The following PPP1R9A variants were observed in gnomAD, a reference collection of about 807,000 sequenced individuals.
PPP1R9A encodes the protein protein phosphatase 1 regulatory subunit 9A.
Under a neutral mutation model 141.9 loss-of-function variants are expected in PPP1R9A, and 59 were observed. That is an observed-to-expected ratio of 0.42 (90% CI 0.34 to 0.52). The LOEUF (loss-of-function observed/expected upper bound fraction) is 0.52. Among genes scored for constraint, PPP1R9A ranks in the 20% least tolerant of loss-of-function variants. The probability of loss-of-function intolerance (pLI) is 0.10; values close to 1 mark genes in which losing one functional copy is unlikely to be tolerated. For missense variants in PPP1R9A, 1,444 were observed against 1,611.9 expected (o/e 0.90, Z 1.78); for synonymous variants, 500 against 569.7 (o/e 0.88, Z 1.74).
chr7:95,262,703 A>G (rs548621130), intron 12 of PPP1R9A, among the ~76,000 whole-genome samples: 2 of 152,352 alleles, frequency 1.3e-5, no homozygotes, highest in South Asian at 4.1e-4. Context: ...CTACACTAAC[A>G]AATAACCAAC....
chr7:95,009,166 G>C (rs1416036166), intron 2 of PPP1R9A, among the ~76,000 whole-genome samples: 1 of 152,166 alleles, frequency 6.6e-6, no homozygotes, highest in East Asian at 1.9e-4. Flanking sequence ...TCGGGGAAGG[G>C]GGGAGGGATA....
chr7:94,914,263 A>T (rs1791792483), intron 2 of PPP1R9A, among the ~76,000 whole-genome samples: 1 of 152,090 alleles, frequency 6.6e-6, no homozygotes, highest in African/African-American at 2.4e-5. Flanking sequence ...TTTGTTATAG[A>T]TCTTATTTAT....
chr7:94,953,674 C>T (rs1796737416), intron 2 of PPP1R9A, among the ~76,000 whole-genome samples: 2 of 152,078 alleles, frequency 1.3e-5, no homozygotes, highest in Admixed American at 6.6e-5. Flanking sequence ...AGATCCTTCA[C>T]ATTTCTTGTG....
intron 7 of PPP1R9A, among the ~76,000 whole-genome samples, chr7:95,209,453 T>C (rs1791616942): frequency 6.6e-6 from 1 of 152,170 alleles, no homozygotes; most frequent in Non-Finnish European, 1.5e-5. Flanking sequence ...CAATCAGTAT[T>C]GGAGTGGTCC....
At chr7:95,240,550 T>C (rs964718638) in intron 8 of PPP1R9A, among the ~76,000 whole-genome samples, 1 of 152,040 alleles carries the variant, frequency 6.6e-6, no homozygotes, top group Admixed American at 6.6e-5. Context: ...ATAGCATTAA[T>C]TATGCTTTTT....
intron 2 of PPP1R9A, among the ~76,000 whole-genome samples, chr7:95,087,726 C>T (rs946330309): frequency 2.6e-5 from 4 of 151,842 alleles, no homozygotes; most frequent in Non-Finnish European, 5.9e-5. Context: ...GAAACCTTGT[C>T]TCTACTAAAA....
chr7:94,964,201 A>G (rs754766729), intron 2 of PPP1R9A, among the ~76,000 whole-genome samples: 2 of 152,110 alleles, frequency 1.3e-5, no homozygotes, highest in Non-Finnish European at 2.9e-5. Flanking sequence ...GTTGAGAGAC[A>G]TTTGGGTAGT....
At chr7:95,014,548 C>G (rs993827939) in intron 2 of PPP1R9A, among the ~76,000 whole-genome samples, 2 of 151,924 alleles carry the variant, frequency 1.3e-5, no homozygotes, top group Non-Finnish European at 2.9e-5. Flanking sequence ...AAGGTGGTTT[C>G]TCCACTTTGC....
intron 5 of PPP1R9A, among the ~76,000 whole-genome samples, chr7:95,175,590 C>T (rs1398139859): frequency 6.7e-6 from 1 of 150,374 alleles, no homozygotes; most frequent in African/African-American, 2.4e-5. Context: ...TTTTTAACTC[C>T]AGACAATCAT....
At chr7:95,160,367 GTA>G (rs1563333707) in intron 4 of PPP1R9A, among the ~76,000 whole-genome samples, 2 of 152,008 alleles carry the variant, frequency 1.3e-5, no homozygotes, top group Non-Finnish European at 2.9e-5. Flanking sequence ...TATGTTTTAT[GTA>G]CAGTTATTAA....
chr7:95,275,168 G>A (rs1802924486), intron 16 of PPP1R9A, among the ~76,000 whole-genome samples: 2 of 152,146 alleles, frequency 1.3e-5, no homozygotes, highest in Admixed American at 1.3e-4. Flanking sequence ...AGCACTTTGG[G>A]AGGCCAAGGC....
At chr7:95,118,963 C>T (rs574669823) in intron 3 of PPP1R9A, among the ~76,000 whole-genome samples, 2 of 141,990 alleles carry the variant, frequency 1.4e-5, no homozygotes, top group African/African-American at 5.3e-5. Flanking sequence ...GCCTGATCAA[C>T]AGAGTGAGAC....
At chr7:95,055,799 A>G (rs762765669) in intron 2 of PPP1R9A, among the ~76,000 whole-genome samples, 1 of 152,068 alleles carries the variant, frequency 6.6e-6, no homozygotes, top group Non-Finnish European at 1.5e-5. Context: ...TTTCCTGACA[A>G]TACACTCTAA....
At chr7:94,926,346 T>G (rs1793487802) in intron 2 of PPP1R9A, among the ~76,000 whole-genome samples, 1 of 152,210 alleles carries the variant, frequency 6.6e-6, no homozygotes. Context: ...CATTAAAATA[T>G]GGTTGTTTGA....
chr7:94,984,578 G>A (rs187689976), intron 2 of PPP1R9A, among the ~76,000 whole-genome samples: 3 of 152,096 alleles, frequency 2.0e-5, no homozygotes, highest in Non-Finnish European at 2.9e-5. Context: ...ATGTGTCCAG[G>A]AATTTATCCA....
intron 2 of PPP1R9A, among the ~76,000 whole-genome samples, chr7:94,938,451 G>T (rs1794997372): frequency 6.6e-6 from 1 of 151,650 alleles, no homozygotes; most frequent in African/African-American, 2.4e-5. Context: ...CTTTCAGAAG[G>T]TTTTCTTTTT....
At chr7:95,183,294 C>T (rs755409893) in intron 5 of PPP1R9A, among the ~76,000 whole-genome samples, 11 of 151,562 alleles carry the variant, frequency 7.3e-5, no homozygotes, top group Non-Finnish European at 1.2e-4. Flanking sequence ...CTCACCACCA[C>T]GCCTGGCTAA....
In PPP1R9A at chr7:95,287,180, G is replaced by A. The variant is rs1430432878; in HGVS notation, c.3729+855G>A. 5.6e-6 allele frequency: 9 copies of A among 1,597,428 alleles called. No homozygotes were observed. In the Admixed American group the frequency reaches 1.0e-4, roughly 18 times the overall value. On this transcript the variant is annotated intron_variant, in intron 18 of 19. Transcript: ENST00000433360. ...TGTGGTGGCTTGTGTGCTATTGTTT[G>A]AATGTGTTTTTTCGCTCTTTGGAGA...
chr7:95,115,637 G>C (rs1433022340), intron 3 of PPP1R9A, among the ~76,000 whole-genome samples: 1 of 151,992 alleles, frequency 6.6e-6, no homozygotes, highest in Non-Finnish European at 1.5e-5. Flanking sequence ...GAAGAGAAAA[G>C]GCCAGGTGCG....
Sources: allele counts gnomAD v4.1 joint callset (sites outside exome capture counted in the v4.1 genomes callset), GRCh38; gene constraint gnomAD v4.1.1; transcripts MANE v1.5; gene names NCBI Gene and HGNC (gene_info 2026-07-23, HGNC 2026-07-21).